Variants in LENG1 observed in about 807,000 individuals in gnomAD.
LENG1 encodes the protein leukocyte receptor cluster member 1.
A neutral mutation model predicts 28.8 loss-of-function variants in LENG1; 35 were observed. The ratio of observed to expected loss-of-function variants is 1.22; its 90% CI spans 0.93 to 1.61. The LOEUF (loss-of-function observed/expected upper bound fraction) is 1.61, where lower values mean the gene tolerates loss of function less well. LENG1 is among the 40% of genes most tolerant of loss of function. The pLI, the probability that LENG1 is intolerant of heterozygous loss-of-function variation, is 0.00. For synonymous variants in LENG1, 170 were observed against 140.6 expected (o/e 1.21, Z -1.48); for missense variants, 404 against 348.9 (o/e 1.16, Z -1.26).
chr19:54,159,157 G>C (rs1163930853), intron 1 of LENG1, among the ~76,000 whole-genome samples: 1 of 152,196 alleles, frequency 6.6e-6, no homozygotes, highest in Non-Finnish European at 1.5e-5. Context: ...AACGAACAGT[G>C]CTTATTGGGG....
At chr19:54,157,367 C>T (rs1456408340) in intron 2 of LENG1, among the ~76,000 whole-genome samples, 1 of 152,176 alleles carries the variant, frequency 6.6e-6, no homozygotes, top group East Asian at 1.9e-4. Context: ...ATGACAAGAG[C>T]TGATGTACCT....
intron 2 of LENG1, among the ~76,000 whole-genome samples, chr19:54,158,045 T>G (rs1263844437): frequency 1.3e-5 from 2 of 152,220 alleles, no homozygotes; most frequent in Non-Finnish European, 2.9e-5. Flanking sequence ...TTGAGACTCC[T>G]CCAGTTTGGA....
At chr19:54,158,169 T>A in intron 2 of LENG1, 113 bp downstream of exon 2, 1 of 1,019,620 alleles carries the variant, frequency 9.8e-7, no homozygotes, top group Non-Finnish European at 1.5e-6. Context: ...GGTATGGTCC[T>A]AAATTCTGTG....
chr19:54,157,794 C>T (rs2075422661), intron 2 of LENG1, among the ~76,000 whole-genome samples: 1 of 152,178 alleles, frequency 6.6e-6, no homozygotes, highest in South Asian at 2.1e-4. Context: ...GGCGCAATCT[C>T]GGCTTACTGC....
chr19:54,156,252 A>AC (rs1295339788), intron 3 of LENG1, among the ~76,000 whole-genome samples: 9 of 152,074 alleles, frequency 5.9e-5, no homozygotes, highest in Non-Finnish European at 5.9e-5. Flanking sequence ...CAGGCAGTGT[A>AC]CCCCCTCTAG....
At position 54,156,907 on chromosome 19, in the gene LENG1, G is replaced by A; in HGVS notation, c.431C>T (p.Pro144Leu). ...GCTCTTGATCTTCTCATCTGGGGCT[G>A]GGCCGGGCGGGGGGCCCCCTCGCCC... ...PPGRGGPPPGPAPDEKIKSRL... is the reference protein window; with the variant it reads ...PPGRGGPPPGLAPDEKIKSRL... The change falls in exon 3 of 4, where the codon CCA becomes CTA. Residue 144 changes from proline (P) to leucine (L), a missense_variant. Physicochemically the swap from Pro to Leu is moderately conservative, Grantham distance 98. Transcript: ENST00000222224. 6.2e-7 allele frequency: 1 copy of A among 1,609,232 alleles called. No homozygotes were observed. Among genetic ancestry groups the A allele is most frequent in the South Asian group, 1.1e-5 (1 of 90,984 alleles).
chr19:54,157,191 G>T (rs1429053280), intron 2 of LENG1, among the ~76,000 whole-genome samples, 166 bp from the exon 3 acceptor site: 2 of 152,158 alleles, frequency 1.3e-5, no homozygotes, highest in Non-Finnish European at 2.9e-5. Context: ...CCCCCTGGGG[G>T]GACAGTAGCA....
rs200603104 is a variant in LENG1 at position 54,155,878 on chromosome 19, C to T, written c.638G>A (p.Arg213Gln). The T allele has an allele frequency of 5.1e-5, 83 of 1,612,732 alleles. No homozygotes were observed. The highest frequency in any genetic ancestry group is 1.2e-4 in the Admixed American group (7 of 59,920). ...GACCCGGGCCAGCAGGGCCTCTGCC[C>T]GAGACCTCTCAGCTGCTTCCCTCCG... Reference protein sequence around the residue: ...RLRREAAERSRAEALLARVQG... With the variant: ...RLRREAAERSQAEALLARVQG... The change falls in exon 4 of 4, where the codon CGG becomes CAG. Residue 213 changes from arginine (R) to glutamine (Q), a missense_variant. Coordinates refer to ENST00000222224, the MANE Select transcript of LENG1 (RefSeq NM_024316.3).
In LENG1 at chr19:54,159,548, C is replaced by G. The variant is rs201917346; in HGVS notation, c.132+16G>C. ...GCTGGGCCCCGGAGCGCCGCCCTGC[C>G]GGCTTCCGAGCTTACCTCTTGCTGA... On this transcript the variant is annotated intron_variant, in intron 1 of 3. Transcript: ENST00000222224. 3.3e-6 allele frequency: 5 copies of G among 1,532,460 alleles called. No individual in the cohort carries two copies. The highest frequency in any genetic ancestry group is 2.4e-5 in the South Asian group (2 of 83,106). The allele number at this position is 1,532,460 out of a possible 1,614,324, so 94.9% of individuals were successfully genotyped here. A position where few individuals can be genotyped will look rare whatever the true frequency, so the allele number is the denominator to read the frequency against.
chr19:54,156,177 G>C (rs2075382871), intron 3 of LENG1, among the ~76,000 whole-genome samples: 2 of 152,160 alleles, frequency 1.3e-5, no homozygotes, highest in African/African-American at 4.8e-5. Context: ...TGCTTCTCCA[G>C]GTCAAGAAAG....
chr19:54,159,439 C>A, intron 1 of LENG1, 125 bp downstream of exon 1: 1 of 1,055,770 alleles, frequency 9.5e-7, no homozygotes. Flanking sequence ...AAAGTGGGAT[C>A]GGCGCCTGGT....
chr19:54,157,002 G>A lies in LENG1; in HGVS notation c.336C>T (p.Gly112=), dbSNP rs1204536943. 6.4e-7 allele frequency: 1 copy of A among 1,556,164 alleles called. No individual in the cohort carries two copies. The highest frequency in any genetic ancestry group is 2.0e-5 in the Admixed American group (1 of 49,902). ...QEKERQEKAL[G]ILTYLGQSAA... is the part of the protein sequence containing the mutation. ...CACTCTGGCCCAGGTATGTCAGGATGCCCAGAGCTTTCTCTTGCCTCTCCT... is the reference window on the plus strand; with the variant it reads ...CACTCTGGCCCAGGTATGTCAGGATACCCAGAGCTTTCTCTTGCCTCTCCT... Residue 112 remains glycine (G), a synonymous_variant, in exon 3 of 4, where the codon GGC becomes GGT. Coordinates refer to ENST00000222224, the MANE Select transcript of LENG1 (RefSeq NM_024316.3).
In LENG1 at chr19:54,157,990, G is replaced by A. The variant is rs970366277; in HGVS notation, c.312+292C>T. On this transcript the variant is annotated intron_variant, in intron 2 of 3. Coordinates refer to ENST00000222224, the MANE Select transcript of LENG1 (RefSeq NM_024316.3). ...CTCCCAAGGTGGTGGGATTACAGGC[G>A]TGAGCCACAGCCGGCTGATTTAAAT... 6.6e-5 allele frequency among the ~76,000 whole-genome samples: 10 copies of A among 152,336 alleles called. No homozygotes were observed. The East Asian group carries it at 9.6e-4, about 15-fold the overall frequency.
chr19:54,157,050 G>T (rs371463174), intron 2 of LENG1, 25 bp from the exon 3 acceptor site: 6 of 1,504,608 alleles, frequency 4.0e-6, no homozygotes, highest in Non-Finnish European at 5.3e-6. Context: ...AAATACAAGA[G>T]ATGTGATATA....
chr19:54,156,976 G>A lies in LENG1; in HGVS notation c.362C>T (p.Ala121Val), dbSNP rs755677115. ...LGILTYLGQSAAEAQTQPPWY... is the reference protein window; with the variant it reads ...LGILTYLGQSVAEAQTQPPWY... ...AGGGGGTTGAGTCTGTGCCTCCGCT[G>A]CACTCTGGCCCAGGTATGTCAGGAT... is the stretch of plus-strand genomic sequence containing the variant. The change falls in exon 3 of 4, where the codon GCA becomes GTA. Residue 121 changes from alanine to valine, a missense_variant. Physicochemically the swap from Ala to Val is moderately conservative, Grantham distance 64. Transcript: ENST00000222224. The A allele has an allele frequency of 1.9e-5, 31 of 1,599,404 alleles. No homozygotes were observed. The highest frequency in any genetic ancestry group is 2.6e-5 in the Non-Finnish European group (30 of 1,171,348).
At chr19:54,159,181 G>A (rs2075452170) in intron 1 of LENG1, among the ~76,000 whole-genome samples, 1 of 152,214 alleles carries the variant, frequency 6.6e-6, no homozygotes, top group African/African-American at 2.4e-5. Flanking sequence ...CCGCAAGTCA[G>A]GTGCACGGCA....
At chr19:54,158,557 C>G in intron 1 of LENG1, 96 bp from the exon 2 acceptor site, 2 of 1,228,498 alleles carry the variant, frequency 1.6e-6, no homozygotes, top group Non-Finnish European at 2.3e-6. Context: ...GTCCAGGGTG[C>G]TGGGGTTATG....
chr19:54,155,926 T>G lies in LENG1; in HGVS notation c.590A>C (p.Asp197Ala), dbSNP rs140167565. Residue 197 changes from aspartate (D) to alanine (A), a missense_variant, in exon 4 of 4, where the codon GAC (aspartate) becomes GCC (alanine). Transcript: ENST00000222224. The stretch of plus-strand genomic sequence containing the variant: ...CCGCAGACGTTCAGCTCGAAGCTGG[T>G]CCAGGGATGGAGGCCTGTGGGGAGA... ...KQRPKEPPSLDQLRAERLRRE... is the reference protein window; with the variant it reads ...KQRPKEPPSLAQLRAERLRRE... 1.5e-5 allele frequency: 24 copies of G among 1,609,576 alleles called. No individual in the cohort carries two copies. The African/African-American group carries it at 2.7e-4, about 18-fold the overall frequency.
In LENG1 at chr19:54,157,038, G is replaced by A. The variant is rs775685276; in HGVS notation, c.313-13C>T. On this transcript the variant is annotated splice_polypyrimidine_tract_variant and intron_variant, in intron 2 of 3. Transcript: ENST00000222224. ...TCTCTTGCCTCTCCTGAGGGGGCCA[G>A]GAAATACAAGAGATGTGATATAATC... 3.3e-6 allele frequency: 5 copies of A among 1,513,750 alleles called. No individual in the cohort carries two copies. The Admixed American group carries it at 6.8e-5, about 20-fold the overall frequency. 93.8% of individuals were successfully genotyped at this position (1,513,750 alleles called of 1,614,324 possible). A position where few individuals can be genotyped will look rare whatever the true frequency, so the allele number is the denominator to read the frequency against.
Sources: gnomAD v4.1 joint callset for allele counts (sites outside exome capture counted in the v4.1 genomes callset) on GRCh38, gnomAD v4.1.1 for gene constraint, MANE v1.5 for transcripts, NCBI Gene and HGNC (gene_info 2026-07-23, HGNC 2026-07-21) for gene names.